PABPC1L: variants seen among roughly 807,000 people sequenced by gnomAD.
PABPC1L encodes the protein poly(A) binding protein cytoplasmic 1 like.
PABPC1L carries 31 observed loss-of-function variants against 66.6 expected under a neutral mutation model. That is an observed-to-expected ratio of 0.47 (90% CI 0.35 to 0.63). The LOEUF (loss-of-function observed/expected upper bound fraction) is 0.63, where lower values mean the gene tolerates loss of function less well. Among genes scored for constraint, PABPC1L ranks in the 20% least tolerant of loss-of-function variants. The pLI, the probability that PABPC1L is intolerant of heterozygous loss-of-function variation, is 0.00. For synonymous variants in PABPC1L, 348 were observed against 335.1 expected, an observed-to-expected ratio of 1.04 and a Z score of -0.42; for missense variants, 722 against 848.8, an observed-to-expected ratio of 0.85 and a Z score of 1.86.
intron 5 of PABPC1L, 108 bp downstream of exon 5, chr20:44,919,385 C>T (rs1183497638): frequency 5.6e-6 from 7 of 1,247,740 alleles, no homozygotes; most frequent in African/African-American, 1.5e-5. Context: ...CCGGCCTAAG[C>T]CAAGAGGGTG....
intron 6 of PABPC1L, among the ~76,000 whole-genome samples, chr20:44,922,618 G>A (rs955918699): frequency 3.3e-5 from 5 of 152,122 alleles, no homozygotes; most frequent in South Asian, 2.1e-4. Flanking sequence ...TGATCTGCCC[G>A]CTTTGGCCTC....
intron 11 of PABPC1L, 78 bp downstream of exon 11, chr20:44,935,575 C>G: frequency 8.1e-7 from 1 of 1,237,316 alleles, no homozygotes; most frequent in Non-Finnish European, 1.1e-6. Context: ...GGTGTTGGGC[C>G]TTGGCTTTTT....
intron 3 of PABPC1L, 21 bp downstream of exon 3, chr20:44,916,892 G>A: frequency 6.2e-7 from 1 of 1,608,118 alleles, no homozygotes; most frequent in Non-Finnish European, 8.5e-7. Context: ...GGGCCCGAGG[G>A]AGGGGCGGAG....
At chr20:44,938,585 C>T in intron 13 of PABPC1L, 89 bp from the exon 14 acceptor site, 1 of 1,411,978 alleles carries the variant, frequency 7.1e-7, no homozygotes, top group Non-Finnish European at 9.7e-7. Flanking sequence ...GATCCTGTAT[C>T]CAGGATGGTG....
chr20:44,918,119 A>T (rs1235111825), intron 3 of PABPC1L, among the ~76,000 whole-genome samples: 1 of 152,156 alleles, frequency 6.6e-6, no homozygotes, highest in Non-Finnish European at 1.5e-5. Context: ...TGAGGTCAGG[A>T]GTTTGAGACT....
rs188766364 is a variant in PABPC1L at position 44,929,467 on chromosome 20, T to G, written c.973-993T>G. Among the ~76,000 whole-genome samples, 482 of 152,166 alleles carry G rather than the reference T, an allele frequency of 3.2e-3. 1 individual carries two copies. The highest frequency in any genetic ancestry group is 3.6e-3 in the Non-Finnish European group (243 of 68,004). ...GTGTTAATTTTGTAGTTTTGAAAAATGTACCATGTTCACATTGGGGGAAAC... is the reference window on the plus strand; with the variant it reads ...GTGTTAATTTTGTAGTTTTGAAAAAGGTACCATGTTCACATTGGGGGAAAC... On this transcript the variant is annotated intron_variant, in intron 7 of 14. Transcript: ENST00000217073.
intron 2 of PABPC1L, among the ~76,000 whole-genome samples, chr20:44,913,232 G>A (rs1384635093): frequency 2.6e-5 from 4 of 152,140 alleles, no homozygotes; most frequent in African/African-American, 4.8e-5. Flanking sequence ...ATGAGGGAGC[G>A]ACTGGCTGTC....
At chr20:44,931,050 CT>C (rs1368479497) in intron 8 of PABPC1L, among the ~76,000 whole-genome samples, 28 of 13,560 alleles carry the variant, frequency 2.1e-3, no homozygotes, top group African/African-American at 3.3e-3. Flanking sequence ...CCTCCCTTCC[CT>C]TCCCTTCCCT....
chr20:44,931,069 C>CTT (rs1316140186), intron 8 of PABPC1L, among the ~76,000 whole-genome samples: 4 of 59,920 alleles, frequency 6.7e-5, no homozygotes, highest in African/African-American at 2.1e-4. Context: ...CCTTCCCTCC[C>CTT]TCCCTCCCTC....
intron 5 of PABPC1L, among the ~76,000 whole-genome samples, chr20:44,920,236 A>G (rs1210886719): frequency 6.6e-6 from 1 of 152,132 alleles, no homozygotes; most frequent in Non-Finnish European, 1.5e-5. Flanking sequence ...GCATAATGAC[A>G]TGTATCCACT....
intron 11 of PABPC1L, among the ~76,000 whole-genome samples, chr20:44,935,924 A>G (rs1019994896): frequency 6.6e-6 from 1 of 152,144 alleles, no homozygotes; most frequent in African/African-American, 2.4e-5. Context: ...GTCTCTTTTG[A>G]ACTATTTCCT....
rs951959318 is a variant in PABPC1L, at chr20:44,910,431, C to G, written c.193+95C>G. ...CTGGGCCGCTTGCGCTTTCATCTTA[C>G]ACTTTGCAGCCGGGGAAACTGAGGC... On this transcript the variant is annotated intron_variant, in intron 1 of 14. Transcript: ENST00000217073. 6.0e-6 allele frequency: 8 copies of G among 1,327,192 alleles called. No homozygotes were observed. The African/African-American group carries it at 1.2e-4, about 20-fold the overall frequency. 82.2% of individuals were successfully genotyped at this position (1,327,192 alleles called of 1,614,324 possible). A position where few individuals can be genotyped will look rare whatever the true frequency, so the allele number is the denominator to read the frequency against.
At chr20:44,925,385 C>G (rs1388102663) in intron 7 of PABPC1L, among the ~76,000 whole-genome samples, 1 of 152,136 alleles carries the variant, frequency 6.6e-6, no homozygotes, top group African/African-American at 2.4e-5. Context: ...CAGCCCGTCA[C>G]TAACTCAAAT....
chr20:44,932,008 C>A (rs1410163911), intron 8 of PABPC1L: 1 of 179,904 alleles, frequency 5.6e-6, no homozygotes, highest in Non-Finnish European at 1.2e-5. Flanking sequence ...AAAGATGTCA[C>A]CCATTAAAGG....
At chr20:44,912,327 C>T (rs750806191) in intron 1 of PABPC1L, among the ~76,000 whole-genome samples, 2 of 152,174 alleles carry the variant, frequency 1.3e-5, no homozygotes. Context: ...ATAGACCTGA[C>T]GCTGCCACAG....
intron 5 of PABPC1L, among the ~76,000 whole-genome samples, chr20:44,920,567 CA>C: frequency 6.6e-6 from 1 of 152,168 alleles, no homozygotes; most frequent in East Asian, 1.9e-4. Flanking sequence ...CTCCTGGGTT[CA>C]AGTAATTCTC....
chr20:44,936,810 G>A, intron 12 of PABPC1L, 80 bp downstream of exon 12: 2 of 1,405,508 alleles, frequency 1.4e-6, no homozygotes, highest in South Asian at 1.2e-5. Flanking sequence ...CACCTCACCT[G>A]GTGGTCCAAC....
At chr20:44,918,493 T>G (rs528670591) in intron 3 of PABPC1L, among the ~76,000 whole-genome samples, 1 of 152,046 alleles carries the variant, frequency 6.6e-6, no homozygotes, top group African/African-American at 2.4e-5. Context: ...AGAATTTGAG[T>G]CCCAATTTTA....
intron 13 of PABPC1L, among the ~76,000 whole-genome samples, 193 bp from the exon 14 acceptor site, chr20:44,938,481 T>C (rs1037146443): frequency 1.3e-5 from 2 of 152,166 alleles, no homozygotes; most frequent in African/African-American, 4.8e-5. Context: ...TGTCCAGCAA[T>C]GTACCTCTGT....
Sources: gnomAD v4.1 joint callset for allele counts (sites outside exome capture counted in the v4.1 genomes callset) on GRCh38, gnomAD v4.1.1 for gene constraint, MANE v1.5 for transcripts, NCBI Gene and HGNC (gene_info 2026-07-23, HGNC 2026-07-21) for gene names.